Variants in SEMA4D observed in about 807,000 individuals in gnomAD.
SEMA4D encodes semaphorin 4D.
Under a neutral mutation model 74.8 loss-of-function variants are expected in SEMA4D, and 22 were observed. The observed-to-expected ratio is 0.29, with a 90% CI of 0.21 to 0.42. SEMA4D has a LOEUF of 0.42. Among genes scored for constraint, SEMA4D ranks in the 10% least tolerant of loss-of-function variants. The pLI is 1.00. For missense variants in SEMA4D, 937 were observed against 1,118.4 expected (o/e 0.84, Z 2.31); for synonymous variants, 445 against 463.7 (o/e 0.96, Z 0.52).
At chr9:89,385,689 A>G in intron 13 of SEMA4D, 1 of 538,554 alleles carries the variant, frequency 1.9e-6, no homozygotes, top group Non-Finnish European at 2.4e-6. Flanking sequence ...GGGTGTTTGC[A>G]AATACGCACC....
chr9:89,473,246 A>C (rs922759507), intron 1 of SEMA4D, among the ~76,000 whole-genome samples: 2 of 152,212 alleles, frequency 1.3e-5, no homozygotes, highest in African/African-American at 4.8e-5. Context: ...AGGCCTGAGC[A>C]AGCAGTGCTC....
At chr9:89,442,617 GAA>G (rs2135158991) in intron 2 of SEMA4D, among the ~76,000 whole-genome samples, 1 of 152,220 alleles carries the variant, frequency 6.6e-6, no homozygotes, top group South Asian at 2.1e-4. Context: ...GGTAAAAATG[GAA>G]AAGACAATGA....
intron 1 of SEMA4D, among the ~76,000 whole-genome samples, chr9:89,490,489 C>CT (rs1387176492): frequency 1.3e-5 from 2 of 152,204 alleles, no homozygotes; most frequent in Admixed American, 6.5e-5. Flanking sequence ...AACCATTCTG[C>CT]TTTTCACTGT....
In SEMA4D at chr9:89,379,621, T is replaced by C. The variant is rs1564532673; in HGVS notation, c.1672A>G (p.Lys558Glu). The change falls in exon 16 of 16, where the codon AAA (lysine) becomes GAA (glutamate). Residue 558 changes from lysine (K) to glutamate (E), a missense_variant. By Grantham distance (56) the Lys-to-Glu change is moderately conservative. Transcript: ENST00000422704. ...GDASVCPDKS[K>E]GSYRQHFFKH... The stretch of plus-strand genomic sequence containing the variant: ...AAAAAATGCTGCCGGTAACTTCCTT[T>C]ACTTTTATCTGGAACATCAAAATAA... 3.1e-6 allele frequency: 5 copies of C among 1,603,788 alleles called. No individual in the cohort carries two copies. The highest frequency in any genetic ancestry group is 3.4e-6 in the Non-Finnish European group (4 of 1,172,508).
At chr9:89,428,567 G>T (rs1445336117) in intron 2 of SEMA4D, among the ~76,000 whole-genome samples, 1 of 151,936 alleles carries the variant, frequency 6.6e-6, no homozygotes, top group African/African-American at 2.4e-5. Context: ...GGAGAATGAG[G>T]CACAGGCATG....
chr9:89,397,644 C>A (rs1246648265), intron 5 of SEMA4D, among the ~76,000 whole-genome samples: 1 of 152,222 alleles, frequency 6.6e-6, no homozygotes, highest in East Asian at 1.9e-4. Flanking sequence ...CTATTCACCC[C>A]AACCCACCTG....
chr9:89,487,062 A>G (rs1825252701), intron 1 of SEMA4D, among the ~76,000 whole-genome samples: 1 of 152,012 alleles, frequency 6.6e-6, no homozygotes, highest in African/African-American at 2.4e-5. Context: ...ATACAGTACC[A>G]GAAAAGAAAA....
intron 15 of SEMA4D, among the ~76,000 whole-genome samples, chr9:89,380,629 T>TCC (rs1034331249): frequency 1.3e-5 from 2 of 152,140 alleles, no homozygotes; most frequent in African/African-American, 4.8e-5. Flanking sequence ...ATGCCACCCC[T>TCC]CCCTCTGGGT....
At position 89,388,699 on chromosome 9, in the gene SEMA4D, C is replaced by T; in HGVS notation, c.1044G>A (p.Val348=). ...GCACCCACTTGGTGTGGGACTGCTC[C>T]ACTGTGGTGCTCTGCATGTACTTCC... ...SHGKYMQSTT[V]EQSHTKWVRY... The change falls in exon 11 of 16, where the codon GTG becomes GTA. Residue 348 remains valine, a synonymous_variant. Coordinates refer to ENST00000422704, the MANE Select transcript of SEMA4D (RefSeq NM_001371194.2). 6.2e-7 allele frequency: 1 copy of T among 1,610,056 alleles called. No individual in the cohort carries two copies. Among genetic ancestry groups the T allele is most frequent in the Non-Finnish European group, 8.5e-7 (1 of 1,179,346 alleles).
At chr9:89,434,780 C>T (rs1850031840) in intron 2 of SEMA4D, among the ~76,000 whole-genome samples, 1 of 152,190 alleles carries the variant, frequency 6.6e-6, no homozygotes, top group African/African-American at 2.4e-5. Context: ...CCTGCAGACC[C>T]CTGGCATGTG....
intron 9 of SEMA4D, among the ~76,000 whole-genome samples, chr9:89,390,838 C>T (rs1839712419): frequency 6.6e-6 from 1 of 152,216 alleles, no homozygotes; most frequent in Non-Finnish European, 1.5e-5. Context: ...AGGCACCCTC[C>T]CCTTTTAATG....
intron 16 of SEMA4D, chr9:89,369,092 G>T (rs775494112): frequency 3.9e-5 from 6 of 152,266 alleles, no homozygotes; most frequent in African/African-American, 1.2e-4. Context: ...ACCTTGTCCT[G>T]TCCAGCAAGG....
At chr9:89,398,076 CAT>C (rs976074580) in intron 5 of SEMA4D, among the ~76,000 whole-genome samples, 30 of 152,314 alleles carry the variant, frequency 2.0e-4, no homozygotes, top group Admixed American at 7.8e-4. Flanking sequence ...CAAAACCCCA[CAT>C]GTGAGCCAAA....
At chr9:89,389,517 T>G (rs1839342987) in intron 9 of SEMA4D, among the ~76,000 whole-genome samples, 1 of 152,228 alleles carries the variant, frequency 6.6e-6, no homozygotes. Flanking sequence ...TGGGCAAATG[T>G]GTGAACCTTC....
chr9:89,370,143 CAT>C (rs1834326812), intron 16 of SEMA4D, among the ~76,000 whole-genome samples: 2 of 147,450 alleles, frequency 1.4e-5, no homozygotes, highest in Admixed American at 6.7e-5. Context: ...TATGTGTGCA[CAT>C]GTGCAGTGAG....
rs1218995437 is a variant in SEMA4D at position 89,377,953 on chromosome 9, C to G, written c.*751G>C. On this transcript the variant is annotated 3_prime_UTR_variant, in exon 16 of 16. Transcript: ENST00000422704. The stretch of plus-strand genomic sequence containing the variant: ...AAATCTCTCCAAAAACAATGCTTCC[C>G]TCAAGGAATAAAGTTAAAAAAAAAA... 1 of 151,260 alleles carries G rather than the reference C, an allele frequency of 6.6e-6. No homozygotes were observed. Among genetic ancestry groups the G allele is most frequent in the African/African-American group, 2.4e-5 (1 of 41,002 alleles). The allele number at this position is 151,260 out of a possible 1,614,324, so 9.4% of individuals were successfully genotyped here.
intron 2 of SEMA4D, among the ~76,000 whole-genome samples, chr9:89,420,100 A>G (rs149183103): frequency 3.3e-5 from 5 of 152,296 alleles, no homozygotes; most frequent in Non-Finnish European, 7.3e-5. Context: ...ATTGCCTCCA[A>G]CAACTCCACC....
chr9:89,472,558 G>A lies in SEMA4D; in HGVS notation c.-309-16605C>T, dbSNP rs141700420. The A allele has an allele frequency of 1.7e-3, 426 of 243,602 alleles. 1 individual carries two copies. The highest frequency in any genetic ancestry group is 9.3e-3 in the African/African-American group (405 of 43,442). 15.1% of individuals were successfully genotyped at this position (243,602 alleles called of 1,614,324 possible). A position where few individuals can be genotyped will look rare whatever the true frequency, so the allele number is the denominator to read the frequency against. On this transcript the variant is annotated intron_variant, in intron 1 of 15. Coordinates refer to ENST00000422704, the MANE Select transcript of SEMA4D (RefSeq NM_001371194.2). Reference sequence around the variant, plus strand: ...TGGTGGACCCAAGAGCCAAATCACCGCTAGCAAAACGGCAGAATTCATATA... The same window carrying A: ...TGGTGGACCCAAGAGCCAAATCACCACTAGCAAAACGGCAGAATTCATATA...
intron 2 of SEMA4D, among the ~76,000 whole-genome samples, chr9:89,453,052 T>TA (rs966607916): frequency 6.6e-6 from 1 of 152,152 alleles, no homozygotes; most frequent in African/African-American, 2.4e-5. Flanking sequence ...GTCATTTAAT[T>TA]AAATCTACAG....
Sources: allele counts gnomAD v4.1 joint callset (sites outside exome capture counted in the v4.1 genomes callset), GRCh38; gene constraint gnomAD v4.1.1; transcripts MANE v1.5; gene names NCBI Gene and HGNC (gene_info 2026-07-23, HGNC 2026-07-21).